CCNF: variants seen among roughly 807,000 people sequenced by gnomAD.
CCNF encodes the protein cyclin F.
CCNF carries 30 observed loss-of-function variants against 85.4 expected under a neutral mutation model. The ratio of observed to expected loss-of-function variants is 0.35; its 90% confidence interval spans 0.26 to 0.48. CCNF has a LOEUF of 0.48. CCNF is among the 20% of genes least tolerant of loss of function. The pLI is 0.99. For synonymous variants in CCNF, 439 were observed against 425.1 expected (o/e 1.03, Z -0.40); for missense variants, 919 against 1,010.4 (o/e 0.91, Z 1.23).
chr16:2,449,202 C>T, intron 11 of CCNF, 80 bp from the exon 12 acceptor site: 1 of 1,540,776 alleles, frequency 6.5e-7, no homozygotes, highest in South Asian at 1.1e-5. Flanking sequence ...CCGGGCCAGA[C>T]CCTGCGCTGG....
At chr16:2,430,724 G>A (rs969829447) in intron 1 of CCNF, among the ~76,000 whole-genome samples, 2 of 152,218 alleles carry the variant, frequency 1.3e-5, no homozygotes, top group South Asian at 2.1e-4. Flanking sequence ...CCTTGGTCAC[G>A]TGTGCAAAAA....
At chr16:2,437,405 C>A in intron 5 of CCNF, 83 bp downstream of exon 5, 1 of 1,097,616 alleles carries the variant, frequency 9.1e-7, no homozygotes, top group Non-Finnish European at 1.3e-6. Flanking sequence ...AGATCCTGGA[C>A]CCTGGAAAGT....
At chr16:2,441,960 TATATATATATATATATATA>T (rs1336553704) in intron 8 of CCNF, among the ~76,000 whole-genome samples, 4 of 130,478 alleles carry the variant, frequency 3.1e-5, no homozygotes, top group Non-Finnish European at 4.9e-5. Flanking sequence ...TATATATATA[TATATATATATATATATATA>T]TATGTTTTTG....
At position 2,453,577 on chromosome 16, in the gene CCNF, G is replaced by A. The variant is rs1204705478; in HGVS notation, c.1715+40G>A. On this transcript the variant is annotated intron_variant, in intron 15 of 16. Coordinates refer to ENST00000397066, the MANE Select transcript of CCNF (RefSeq NM_001761.3). This position sits in a 1 kb window ranked among gnomAD's most constrained non-coding sequence, Gnocchi z 5.6. ...GTTCTGGCTGCGCCATACAATGCTG[G>A]CATCCTCGTGCCGGCCCAGTTCCCT... is the stretch of plus-strand genomic sequence containing the variant. 1.2e-6 allele frequency: 2 copies of A among 1,611,606 alleles called. No homozygotes were observed. Among genetic ancestry groups the A allele is most frequent in the African/African-American group, 1.3e-5 (1 of 75,012 alleles).
chr16:2,456,858 C>T lies in CCNF; in HGVS notation c.2199C>T (p.Asp733=). ...QPTSVLSLDS[D]SHTQPCHHQA... ...CCTCAGTGCTGTCCCTGGACAGTGACTCGCACACACAGCCCTGCCACCATC... is the reference window on the plus strand; with the variant it reads ...CCTCAGTGCTGTCCCTGGACAGTGATTCGCACACACAGCCCTGCCACCATC... The change falls in exon 17 of 17, where the codon GAC becomes GAT. Residue 733 remains aspartate (D), a synonymous_variant. Coordinates refer to ENST00000397066, the MANE Select transcript of CCNF (RefSeq NM_001761.3). This position sits in a 1 kb window ranked among gnomAD's most constrained non-coding sequence, Gnocchi z 4.5. The T allele has an allele frequency of 1.2e-6, 2 of 1,614,086 alleles. No individual in the cohort carries two copies. The highest frequency in any genetic ancestry group is 1.7e-6 in the Non-Finnish European group (2 of 1,180,020).
Position 2,439,402 on chromosome 16 carries a change from A to T in CCNF, c.644A>T (p.His215Leu), listed in dbSNP as rs375714600. The change falls in exon 7 of 17, where the codon CAT (histidine) becomes CTT (leucine). Residue 215 changes from histidine (H) to leucine (L), a missense_variant. This residue lies in a region of CCNF where 410 missense variants were observed against 478.6 expected (regional missense o/e 0.86). Coordinates refer to ENST00000397066, the MANE Select transcript of CCNF (RefSeq NM_001761.3). Reference sequence around the variant, plus strand: ...CATGACCTGTTTGAGGAGGCTGCTCATCAGGGATGTCTGACCAGCTCCTAC... The same window carrying T: ...CATGACCTGTTTGAGGAGGCTGCTCTTCAGGGATGTCTGACCAGCTCCTAC... Reference protein sequence around the residue: ...QAHDLFEEAAHQGCLTSSYLL... With the variant: ...QAHDLFEEAALQGCLTSSYLL... The T allele has an allele frequency of 9.9e-6, 16 of 1,610,900 alleles. No individual in the cohort carries two copies. Among genetic ancestry groups the T allele is most frequent in the Non-Finnish European group, 1.3e-5 (15 of 1,179,090 alleles).
intron 9 of CCNF, 128 bp downstream of exon 9, chr16:2,443,928 T>TG: frequency 1.3e-6 from 1 of 782,408 alleles, no homozygotes; most frequent in Non-Finnish European, 2.0e-6. Context: ...ATCACCCTTT[T>TG]TTTTTTTTTG....
chr16:2,430,749 C>G (rs1419791947), intron 1 of CCNF, among the ~76,000 whole-genome samples: 1 of 152,206 alleles, frequency 6.6e-6, no homozygotes, highest in Non-Finnish European at 1.5e-5. Context: ...AGCTATCCAG[C>G]AAAGGCCCCA....
rs767126159 is a variant in CCNF, at chr16:2,449,415, G to A, written c.1352G>A (p.Arg451His). 2.5e-5 allele frequency: 40 copies of A among 1,610,078 alleles called. No homozygotes were observed. The highest frequency in any genetic ancestry group is 7.7e-5 in the South Asian group (7 of 91,064). The stretch of plus-strand genomic sequence containing the variant: ...AGCCTGTCCGCCTACGCCCCAGCCC[G>A]CCTGGCTGCCGCAGCCCTGCTCCTG... ...HTSLSAYAPARLAAAALLLAR... is the reference protein window; with the variant it reads ...HTSLSAYAPAHLAAAALLLAR... Residue 451 changes from arginine (R) to histidine (H), a missense_variant, in exon 12 of 17, where the codon CGC (arginine) becomes CAC (histidine). By Grantham distance (29) the Arg-to-His change is conservative (BLOSUM62 0). This residue lies in a region of CCNF where 505 missense variants were observed against 514.8 expected (regional missense o/e 0.98). Coordinates refer to ENST00000397066, the MANE Select transcript of CCNF (RefSeq NM_001761.3).
Position 2,443,776 on chromosome 16 carries a change from A to G in CCNF, c.905A>G (p.Gln302Arg), listed in dbSNP as rs1401935279. 32 of 1,614,186 alleles carry G rather than the reference A, an allele frequency of 2.0e-5. No homozygotes were observed. The highest frequency in any genetic ancestry group is 2.6e-5 in the Non-Finnish European group (31 of 1,180,026). ...AVSKQQVFSV[Q>R]KGLNDTMRYI... The stretch of plus-strand genomic sequence containing the variant: ...AGTAAACAACAAGTCTTCTCCGTGC[A>G]GAAGGGACTCAATGACACAATGAGG... Residue 302 changes from glutamine to arginine, a missense_variant, in exon 9 of 17, where the codon CAG (glutamine) becomes CGG (arginine). Physicochemically the swap from Gln to Arg is conservative, Grantham distance 43 (BLOSUM62 1). Transcript: ENST00000397066.
At chr16:2,438,334 G>A (rs890142181) in intron 6 of CCNF, among the ~76,000 whole-genome samples, 3 of 152,202 alleles carry the variant, frequency 2.0e-5, no homozygotes, top group African/African-American at 7.2e-5. Context: ...GCAGGGGAGT[G>A]GGGGACGGTG....
chr16:2,429,699 C>T (rs2065253050), intron 1 of CCNF, among the ~76,000 whole-genome samples: 1 of 152,146 alleles, frequency 6.6e-6, no homozygotes, highest in Middle Eastern at 3.4e-3. Flanking sequence ...GGCGGGCGCC[C>T]GAGCCCCTCG....
intron 2 of CCNF, among the ~76,000 whole-genome samples, chr16:2,432,542 T>G (rs2065268175): frequency 6.6e-6 from 1 of 152,178 alleles, no homozygotes; most frequent in African/African-American, 2.4e-5. Flanking sequence ...ATCATGGGTG[T>G]TGTTCTTTGC....
chr16:2,445,515 G>A lies in CCNF; in HGVS notation c.987G>A (p.Leu329=), dbSNP rs776944118. 1 of 1,614,196 alleles carries A rather than the reference G, an allele frequency of 6.2e-7. No individual in the cohort carries two copies. Among genetic ancestry groups the A allele is most frequent in the Non-Finnish European group, 8.5e-7 (1 of 1,180,038 alleles). ...CCACCATGAAGGACTTCACAAGCCT[G>A]TGCCTGCACCTGACCGTGGAGTGTG... The part of the protein sequence containing the change: ...EVATMKDFTS[L]CLHLTVECVD... The change falls in exon 10 of 17, where the codon CTG becomes CTA. Residue 329 remains leucine (L), a synonymous_variant. Coordinates refer to ENST00000397066, the MANE Select transcript of CCNF (RefSeq NM_001761.3).
chr16:2,447,009 C>G (rs12926991), intron 10 of CCNF, among the ~76,000 whole-genome samples: 3 of 152,120 alleles, frequency 2.0e-5, no homozygotes, highest in Non-Finnish European at 2.9e-5. Context: ...TCTTCAGATG[C>G]GCTCTTGGGC....
chr16:2,449,160 C>T (rs748870932), intron 11 of CCNF, 122 bp from the exon 12 acceptor site: 559 of 1,432,274 alleles, frequency 3.9e-4, no homozygotes, highest in Non-Finnish European at 2.9e-4. Context: ...TGCGCTGGTG[C>T]GCTACGCGTG....
At position 2,457,136 on chromosome 16, in the gene CCNF, A is replaced by ACT; in HGVS notation, c.*116_*117insCT. ...GGAGGCCTTTGCGCAGAGAGCAGAG[A>ACT]GGATGACTTGCGGCCACCAAGTTTC... On this transcript the variant is annotated 3_prime_UTR_variant, in exon 17 of 17. Coordinates refer to ENST00000397066, the MANE Select transcript of CCNF (RefSeq NM_001761.3). The ACT allele has an allele frequency of 1.3e-6, 1 of 763,296 alleles. No homozygotes were observed. The highest frequency in any genetic ancestry group is 2.1e-6 in the Non-Finnish European group (1 of 487,016). 47.3% of individuals were successfully genotyped at this position (763,296 alleles called of 1,614,324 possible).
intron 12 of CCNF, 59 bp from the exon 13 acceptor site, chr16:2,449,769 C>A: frequency 5.2e-6 from 4 of 763,082 alleles, no homozygotes; most frequent in South Asian, 1.4e-5. Context: ...GCCCCTCCGT[C>A]CCCTCCATCC....
chr16:2,448,219 C>T (rs2065372747), intron 10 of CCNF, among the ~76,000 whole-genome samples: 1 of 152,232 alleles, frequency 6.6e-6, no homozygotes, highest in South Asian at 2.1e-4. Context: ...AACATTTCTA[C>T]CCCACTGATA....
Sources: gnomAD v4.1 joint callset for allele counts (sites outside exome capture counted in the v4.1 genomes callset) on GRCh38, gnomAD v4.1.1 for gene constraint, gnomAD v4.1.1 regional missense constraint, Gnocchi (gnomAD v3.1) non-coding constraint, MANE v1.5 for transcripts, NCBI Gene and HGNC (gene_info 2026-07-23, HGNC 2026-07-21) for gene names.